LAMA1: variants seen among roughly 807,000 people sequenced by gnomAD.
LAMA1 encodes laminin subunit alpha-1.
Under a neutral mutation model 348.7 loss-of-function variants are expected in LAMA1, and 219 were observed. The observed-to-expected ratio is 0.63, with a 90% confidence interval of 0.56 to 0.70. The LOEUF (loss-of-function observed/expected upper bound fraction) is 0.70, where lower values mean the gene tolerates loss of function less well. Ranked by LOEUF, LAMA1 falls within the 30% of genes least tolerant of loss-of-function variation. LAMA1 has a pLI of 0.00. For synonymous variants in LAMA1, 1,487 were observed against 1,491.0 expected (o/e 1.00, Z 0.06); for missense variants, 3,744 against 3,888.0 (o/e 0.96, Z 0.99).
intron 48 of LAMA1, among the ~76,000 whole-genome samples, chr18:6,970,627 C>CT (rs1440103143): frequency 1.7e-3 from 247 of 144,796 alleles, no homozygotes; most frequent in Admixed American, 2.5e-3. Flanking sequence ...CTGGTCCTAA[C>CT]TTTTTTTTTT....
rs143031283 is a variant in LAMA1 at position 7,023,350 on chromosome 18, G to T, written c.2515C>A (p.Pro839Thr). The T allele has an allele frequency of 3.7e-6, 6 of 1,614,126 alleles. No homozygotes were observed. The African/African-American group carries it at 8.0e-5, about 22-fold the overall frequency. The stretch of plus-strand genomic sequence containing the variant: ...ACACAAGATTCGCCAGGCACTGTTG[G>T]GTTTCCATAGTAACCATCTGCACAT... The part of the protein sequence containing the change: ...ERCADGYYGN[P>T]TVPGESCVPC... Residue 839 changes from proline to threonine, a missense_variant, in exon 19 of 63, where the codon CCA becomes ACA. Pro to Thr is a conservative substitution (Grantham distance 38). Coordinates refer to ENST00000389658, the MANE Select transcript of LAMA1 (RefSeq NM_005559.4).
Position 7,036,071 on chromosome 18 carries a change from T to C in LAMA1, c.1755A>G (p.Gly585=), listed in dbSNP as rs2057993381. The change falls in exon 13 of 63, where the codon GGA becomes GGG. Residue 585 remains glycine (G), a synonymous_variant. Transcript: ENST00000389658. The part of the protein sequence containing the change: ...YLGNKLTAFG[G]FLKYTVSYDI... ...CGTAGGACACCGTGTATTTCAGGAA[T>C]CCGCCAAACGCAGTCAGCTGAAATG... 2 of 1,613,846 alleles carry C rather than the reference T, an allele frequency of 1.2e-6. No individual in the cohort carries two copies. The highest frequency in any genetic ancestry group is 3.3e-5 in the Admixed American group (2 of 60,006).
At chr18:7,071,337 G>A (rs1472166007) in intron 3 of LAMA1, among the ~76,000 whole-genome samples, 1 of 152,094 alleles carries the variant, frequency 6.6e-6, no homozygotes, top group Non-Finnish European at 1.5e-5. Flanking sequence ...TAACATGGAC[G>A]AGGAAAAAAA....
intron 8 of LAMA1, chr18:7,042,560 T>C (rs963747804): frequency 1.4e-5 from 5 of 350,294 alleles, no homozygotes; most frequent in East Asian, 7.0e-5. Flanking sequence ...CAAGGACTCA[T>C]GTAAGAACTA....
intron 1 of LAMA1, among the ~76,000 whole-genome samples, chr18:7,083,179 ATATAT>A (rs2058200074): frequency 6.9e-6 from 1 of 145,408 alleles, no homozygotes; most frequent in Admixed American, 7.3e-5. Flanking sequence ...TGTTCTAAAT[ATATAT>A]ATATATACAT....
rs587777678 is a variant in LAMA1 at position 6,956,767 on chromosome 18, TAGGTAGAAACAAG to T, written c.7965-15_7965-3del. 10 of 1,614,108 alleles carry T rather than the reference TAGGTAGAAACAAG, an allele frequency of 6.2e-6. No homozygotes were observed. The highest frequency in any genetic ancestry group is 8.5e-6 in the Non-Finnish European group (10 of 1,180,036). On this transcript the variant is annotated splice_polypyrimidine_tract_variant and splice_region_variant and intron_variant, in intron 55 of 62. Coordinates refer to ENST00000389658, the MANE Select transcript of LAMA1 (RefSeq NM_005559.4). ...ACTGCACTGTTGAAATCCAAAAGTC[TAGGTAGAAACAAG>T]AGAGTGTTTTCAAAATTAGGATATC... is the stretch of plus-strand genomic sequence containing the variant.
At chr18:6,954,973 A>C in intron 57 of LAMA1, 1 of 336,834 alleles carries the variant, frequency 3.0e-6, no homozygotes, top group Non-Finnish European at 5.7e-6. Flanking sequence ...GATTTTGGCC[A>C]CCACAGTGTA....
chr18:7,003,254 T>G (rs1044404280), intron 29 of LAMA1, among the ~76,000 whole-genome samples: 7 of 128,858 alleles, frequency 5.4e-5, no homozygotes, highest in Non-Finnish European at 1.1e-4. Flanking sequence ...TTATTTTGGT[T>G]GTTTTTTTTT....
chr18:7,061,105 C>T (rs1041432424), intron 3 of LAMA1, among the ~76,000 whole-genome samples: 3 of 152,166 alleles, frequency 2.0e-5, no homozygotes, highest in Admixed American at 1.3e-4. Context: ...CTGCAGTGAG[C>T]CGTGATGGTG....
intron 28 of LAMA1, 26 bp from the exon 29 acceptor site, chr18:7,007,302 A>G (rs1192667457): frequency 4.4e-6 from 7 of 1,608,338 alleles, no homozygotes; most frequent in Non-Finnish European, 5.9e-6. Flanking sequence ...AGGGAGGACA[A>G]AAAAGTCTGA....
chr18:7,045,698 A>G (rs2058039212), intron 6 of LAMA1, among the ~76,000 whole-genome samples: 1 of 152,068 alleles, frequency 6.6e-6, no homozygotes, highest in Non-Finnish European at 1.5e-5. Flanking sequence ...AGCTGGGACT[A>G]TAGGTGCATA....
chr18:7,101,662 G>A (rs1050081098), intron 1 of LAMA1, among the ~76,000 whole-genome samples: 3 of 152,040 alleles, frequency 2.0e-5, no homozygotes, highest in African/African-American at 7.2e-5. Flanking sequence ...GTGGATACAC[G>A]TTTTATTTAT....
intron 44 of LAMA1, 129 bp from the exon 45 acceptor site, chr18:6,976,209 G>A: frequency 2.3e-6 from 2 of 851,294 alleles, no homozygotes; most frequent in Non-Finnish European, 3.9e-6. Context: ...AACATACAAT[G>A]GTTCATGTTT....
intron 45 of LAMA1, among the ~76,000 whole-genome samples, 197 bp from the exon 46 acceptor site, chr18:6,975,233 G>A (rs552400633): frequency 2.0e-5 from 3 of 152,266 alleles, no homozygotes; most frequent in South Asian, 2.1e-4. Context: ...TCACAGCCCC[G>A]GGGACATTAG....
chr18:6,942,326 C>A, intron 62 of LAMA1, 87 bp from the exon 63 acceptor site: 1 of 1,421,956 alleles, frequency 7.0e-7, no homozygotes, highest in Non-Finnish European at 9.6e-7. Context: ...TAATCTCAAG[C>A]GGGTTTTTTT....
rs777290788 is a variant in LAMA1, at chr18:6,999,630, G to C, written c.4478C>G (p.Ser1493Ter). The C allele has an allele frequency of 6.2e-7, 1 of 1,610,300 alleles. No homozygotes were observed. Among genetic ancestry groups the C allele is most frequent in the Non-Finnish European group, 8.5e-7 (1 of 1,178,264 alleles). Residue 1493 changes from serine to a stop codon, truncating the protein, a stop_gained, in exon 32 of 63, where the codon TCA becomes TGA. Transcript: ENST00000389658. LOFTEE classifies it high-confidence loss of function. ...TGTTTGAGGGTTCCCATAATAGCTT[G>C]AGGAGCACCTACAGAAAGGAAGGGA... is the stretch of plus-strand genomic sequence containing the variant. The part of the protein sequence containing the change: ...YEGKHCERCS[S>*]SYYGNPQTPG...
chr18:6,950,899 T>C lies in LAMA1; in HGVS notation c.8280A>G (p.Gln2760=), dbSNP rs1273445917. Residue 2760 remains glutamine, a synonymous_variant, in exon 58 of 63, where the codon CAA becomes CAG. Coordinates refer to ENST00000389658, the MANE Select transcript of LAMA1 (RefSeq NM_005559.4). The stretch of plus-strand genomic sequence containing the variant: ...GCAGCTGGAGCACAGCGTAGTCTGC[T>C]TGGTTCTGATGAGCCATGTAGTAAA... ...GLIYYMAHQN[Q]ADYAVLQLHG... The C allele has an allele frequency of 1.9e-6, 3 of 1,614,166 alleles. No homozygotes were observed. Among genetic ancestry groups the C allele is most frequent in the East Asian group, 4.5e-5 (2 of 44,870 alleles).
intron 30 of LAMA1, among the ~76,000 whole-genome samples, chr18:7,000,554 C>A (rs1568025305): frequency 6.6e-6 from 1 of 152,216 alleles, no homozygotes; most frequent in Non-Finnish European, 1.5e-5. Context: ...AGCAAAATGA[C>A]AGAGCCTCTC....
At position 6,992,622 on chromosome 18, in the gene LAMA1, G is replaced by A. The variant is rs1264581528; in HGVS notation, c.5107C>T (p.Leu1703=). 1.9e-6 allele frequency: 3 copies of A among 1,614,094 alleles called. No homozygotes were observed. Among genetic ancestry groups the A allele is most frequent in the Admixed American group, 1.7e-5 (1 of 60,016 alleles). The change falls in exon 36 of 63, where the codon CTA becomes TTA. Residue 1703 remains leucine (L), a synonymous_variant. Coordinates refer to ENST00000389658, the MANE Select transcript of LAMA1 (RefSeq NM_005559.4). ...QNMQQNGTSL[L]EIMQIRDFTQ... ...AAGTCTCTTATCTGCATGATTTCTAGCAAAGATGTACCATTCTGTTGCATG... is the reference window on the plus strand; with the variant it reads ...AAGTCTCTTATCTGCATGATTTCTAACAAAGATGTACCATTCTGTTGCATG...
Sources: allele counts gnomAD v4.1 joint callset (sites outside exome capture counted in the v4.1 genomes callset), GRCh38; gene constraint gnomAD v4.1.1; transcripts MANE v1.5; gene names NCBI Gene and HGNC (gene_info 2026-07-23, HGNC 2026-07-21).